SLIT2: variants seen among roughly 807,000 people sequenced by gnomAD.
The protein encoded by SLIT2 is slit homolog 2 protein.
In SLIT2, 41 loss-of-function variants were observed where a neutral mutation model predicts 185.7. The ratio of observed to expected loss-of-function variants is 0.22; its 90% confidence interval spans 0.17 to 0.29. The LOEUF (loss-of-function observed/expected upper bound fraction) is 0.29, where lower values mean the gene tolerates loss of function less well. Ranked by LOEUF, SLIT2 falls within the 10% of genes least tolerant of loss-of-function variation. SLIT2 has a pLI of 1.00. For missense variants in SLIT2, 1,571 were observed against 1,909.0 expected (o/e 0.82, Z 3.30); for synonymous variants, 693 against 680.2 (o/e 1.02, Z -0.29).
intron 29 of SLIT2, among the ~76,000 whole-genome samples, chr4:20,585,291 C>G (rs1226212176): frequency 6.6e-6 from 1 of 152,160 alleles, no homozygotes; most frequent in African/African-American, 2.4e-5. Flanking sequence ...ACATACACAA[C>G]CAACATATAT....
intron 4 of SLIT2, among the ~76,000 whole-genome samples, chr4:20,406,109 A>G (rs1232386665): frequency 1.4e-5 from 2 of 143,986 alleles, no homozygotes; most frequent in East Asian, 2.5e-4. Context: ...AGATTTACAC[A>G]GGTAAACAAC....
chr4:20,372,695 A>G (rs1470023909), intron 4 of SLIT2, among the ~76,000 whole-genome samples: 2 of 152,076 alleles, frequency 1.3e-5, no homozygotes, highest in Non-Finnish European at 2.9e-5. Context: ...AAATAACCAG[A>G]TAAGAGAAAG....
At chr4:20,555,874 C>G (rs144739904) in intron 26 of SLIT2, among the ~76,000 whole-genome samples, 1 of 151,720 alleles carries the variant, frequency 6.6e-6, no homozygotes, top group Non-Finnish European at 1.5e-5. Flanking sequence ...ACTGTATTTT[C>G]TCCTTGAATT....
In SLIT2 at chr4:20,311,479, C is replaced by T. The variant is rs371259656; in HGVS notation, c.395+42598C>T. Among the ~76,000 whole-genome samples the T allele has an allele frequency of 2.0e-5, 3 of 152,126 alleles. No individual in the cohort carries two copies. The East Asian group carries it at 5.8e-4, about 29-fold the overall frequency. ...ACAAGTTATTATAGGATTTGCTACA[C>T]AGTAGATGGTAATTCTGATTTTTAT... On this transcript the variant is annotated intron_variant, in intron 4 of 36. Transcript: ENST00000504154.
intron 4 of SLIT2, among the ~76,000 whole-genome samples, chr4:20,269,116 A>AT (rs1383381601): frequency 6.6e-6 from 1 of 151,470 alleles, no homozygotes; most frequent in African/African-American, 2.4e-5. Flanking sequence ...GATTATTATT[A>AT]TTTTTTTGGT....
At chr4:20,431,315 T>C (rs931143456) in intron 4 of SLIT2, among the ~76,000 whole-genome samples, 1 of 152,178 alleles carries the variant, frequency 6.6e-6, no homozygotes, top group Non-Finnish European at 1.5e-5. Context: ...GAAGGCAAGG[T>C]AGACTAGGAA....
In SLIT2 at chr4:20,283,120, G is replaced by GCGCACA. The variant is rs143964894; in HGVS notation, c.395+14240_395+14241insGCACAC. On this transcript the variant is annotated intron_variant, in intron 4 of 36. Coordinates refer to ENST00000504154, the MANE Select transcript of SLIT2 (RefSeq NM_004787.4). Reference sequence around the variant, plus strand: ...TGCCTGTGTGCCTGTGTGCGCGCGCGCACACACACACACACACACACACAA... The same window carrying GCGCACA: ...TGCCTGTGTGCCTGTGTGCGCGCGCGCGCACACACACACACACACACACACACACAA... Among the ~76,000 whole-genome samples, 463 of 149,942 alleles carry GCGCACA rather than the reference G, an allele frequency of 3.1e-3. 2 individuals carry two copies. The highest frequency in any genetic ancestry group is 0.024 in the Middle Eastern group (7 of 290).
chr4:20,392,503 T>C (rs1397583869), intron 4 of SLIT2, among the ~76,000 whole-genome samples: 1 of 152,124 alleles, frequency 6.6e-6, no homozygotes, highest in Non-Finnish European at 1.5e-5. Flanking sequence ...ACACTGAATT[T>C]ATTTACAGTT....
chr4:20,409,514 T>C (rs1291164881), intron 4 of SLIT2, among the ~76,000 whole-genome samples: 1 of 152,220 alleles, frequency 6.6e-6, no homozygotes, highest in Non-Finnish European at 1.5e-5. Flanking sequence ...TTAGTGTGAA[T>C]AGGGCTTCAG....
rs1442877366 is a variant in SLIT2, at chr4:20,254,493, C to T, written c.179+499C>T. On this transcript the variant is annotated intron_variant, in intron 1 of 36. Coordinates refer to ENST00000504154, the MANE Select transcript of SLIT2 (RefSeq NM_004787.4). The surrounding 1 kb of genome is among the most constrained non-coding windows in gnomAD (Gnocchi z 5.1). ...CGATTTTTTGTCACCCTCCTGGGGGCGAAGGTTAGGAAGAAGGGGTCATGG... is the reference window on the plus strand; with the variant it reads ...CGATTTTTTGTCACCCTCCTGGGGGTGAAGGTTAGGAAGAAGGGGTCATGG... Among the ~76,000 whole-genome samples the T allele has an allele frequency of 2.0e-5, 3 of 151,962 alleles. No homozygotes were observed. Among genetic ancestry groups the T allele is most frequent in the African/African-American group, 7.3e-5 (3 of 41,378 alleles).
At chr4:20,481,456 A>C (rs1716692685) in intron 6 of SLIT2, among the ~76,000 whole-genome samples, 1 of 152,266 alleles carries the variant, frequency 6.6e-6, no homozygotes, top group South Asian at 2.1e-4. Flanking sequence ...AACTGTGGTT[A>C]CTAAAGCATT....
intron 4 of SLIT2, among the ~76,000 whole-genome samples, chr4:20,356,183 A>G (rs2109278810): frequency 6.6e-6 from 1 of 152,290 alleles, no homozygotes; most frequent in African/African-American, 2.4e-5. Flanking sequence ...CAGCATAAGA[A>G]GATTTATTTA....
At chr4:20,263,462 A>G (rs914146739) in intron 3 of SLIT2, among the ~76,000 whole-genome samples, 2 of 151,956 alleles carry the variant, frequency 1.3e-5, no homozygotes, top group Admixed American at 6.6e-5. Context: ...GTAAAAGCAC[A>G]GAGTGTGGAT....
chr4:20,393,251 A>T (rs1015163281), intron 4 of SLIT2: 6 of 152,060 alleles, frequency 3.9e-5, no homozygotes, highest in African/African-American at 1.4e-4. Flanking sequence ...TTTCTTGCTG[A>T]TACCGTTTGG....
At chr4:20,509,792 A>G (rs983771068) in intron 9 of SLIT2, among the ~76,000 whole-genome samples, 2 of 152,220 alleles carry the variant, frequency 1.3e-5, no homozygotes, top group African/African-American at 4.8e-5. Context: ...GCAGGACCAT[A>G]GAATAGATGA....
At chr4:20,552,213 G>T (rs1723821457) in intron 25 of SLIT2, among the ~76,000 whole-genome samples, 1 of 152,162 alleles carries the variant, frequency 6.6e-6, no homozygotes, top group South Asian at 2.1e-4. Context: ...TAGCCGTTCT[G>T]CTAGTGTTAT....
intron 4 of SLIT2, among the ~76,000 whole-genome samples, chr4:20,433,777 C>T (rs376656928): frequency 6.6e-5 from 10 of 152,114 alleles, no homozygotes; most frequent in African/African-American, 1.9e-4. Flanking sequence ...TCTGCCTCTT[C>T]GTAATTAACT....
chr4:20,503,018 C>T lies in SLIT2; in HGVS notation c.915-7477C>T, dbSNP rs149177531. Reference sequence around the variant, plus strand: ...CTTCTATGGGAAAAAAATGCAGGCCCCCTCAAATGTAAAATAAGACTCATG... The same window carrying T: ...CTTCTATGGGAAAAAAATGCAGGCCTCCTCAAATGTAAAATAAGACTCATG... On this transcript the variant is annotated intron_variant, in intron 9 of 36. Transcript: ENST00000504154. Among the ~76,000 whole-genome samples, 95 of 152,156 alleles carry T rather than the reference C, an allele frequency of 6.2e-4. 2 individuals are homozygous for T. In the East Asian group the frequency reaches 0.017, roughly 27 times the overall value.
chr4:20,389,190 A>G (rs1725213003), intron 4 of SLIT2, among the ~76,000 whole-genome samples: 1 of 151,530 alleles, frequency 6.6e-6, no homozygotes, highest in Admixed American at 6.6e-5. Flanking sequence ...TTGCCATTAG[A>G]GATATTATCA....
Sources: gnomAD v4.1 joint callset for allele counts (sites outside exome capture counted in the v4.1 genomes callset) on GRCh38, gnomAD v4.1.1 for gene constraint, Gnocchi (gnomAD v3.1) non-coding constraint, MANE v1.5 for transcripts, NCBI Gene and HGNC (gene_info 2026-07-23, HGNC 2026-07-21) for gene names.